MRE11: variants seen among roughly 807,000 people sequenced by gnomAD.
MRE11 encodes double-strand break repair protein MRE11.
A neutral mutation model predicts 91.7 loss-of-function variants in MRE11; 62 were observed. That is an observed-to-expected ratio of 0.68 (90% CI 0.55 to 0.84). The LOEUF (loss-of-function observed/expected upper bound fraction) is 0.84, where lower values mean the gene tolerates loss of function less well. MRE11 is among the 40% of genes least tolerant of loss of function. The probability of loss-of-function intolerance (pLI) is 0.00; values close to 1 mark genes in which losing one functional copy is unlikely to be tolerated. For synonymous variants in MRE11, 273 were observed against 271.4 expected (o/e 1.01, Z -0.06); for missense variants, 796 against 852.9 (o/e 0.93, Z 0.83).
intron 14 of MRE11, among the ~76,000 whole-genome samples, chr11:94,453,732 T>C (rs1214123189): frequency 6.6e-6 from 1 of 152,194 alleles, no homozygotes; most frequent in Non-Finnish European, 1.5e-5. Context: ...CCTTATCAGA[T>C]GTATGATTTG....
intron 7 of MRE11, among the ~76,000 whole-genome samples, chr11:94,472,066 C>T (rs1233074353): frequency 6.6e-6 from 1 of 152,000 alleles, no homozygotes; most frequent in African/African-American, 2.4e-5. Flanking sequence ...ATCAGAAAAG[C>T]ATGAATTCTA....
At chr11:94,475,601 T>C in intron 7 of MRE11, 1 of 455,800 alleles carries the variant, frequency 2.2e-6, no homozygotes, top group Non-Finnish European at 4.4e-6. Context: ...TCTGTCTTCT[T>C]TTCAATCAAT....
intron 6 of MRE11, 114 bp downstream of exon 6, chr11:94,478,621 A>G (rs1299235979): frequency 1.9e-5 from 24 of 1,238,200 alleles, no homozygotes; most frequent in Non-Finnish European, 2.7e-5. Context: ...ATAGTCACCA[A>G]TAAAGAATAA....
At chr11:94,496,942 A>C (rs761869981), upstream of MRE11, 8 of 1,613,560 alleles carry the variant, frequency 5.0e-6, no homozygotes, top group Non-Finnish European at 6.8e-6. Flanking sequence ...GGGCTGCTGA[A>C]AAAAATCGGG....
chr11:94,461,101 G>T, intron 11 of MRE11, 65 bp from the exon 12 acceptor site: 1 of 1,375,076 alleles, frequency 7.3e-7, no homozygotes, highest in Non-Finnish European at 1.0e-6. Flanking sequence ...CATACTCATT[G>T]CAAGTTGTCA....
intron 19 of MRE11, among the ~76,000 whole-genome samples, chr11:94,423,196 G>A (rs1591626043): frequency 6.6e-6 from 1 of 152,220 alleles, no homozygotes; most frequent in African/African-American, 2.4e-5. Context: ...GGAAGCTGAA[G>A]AGGGAGGAAG....
In MRE11 at chr11:94,465,671, C is replaced by T. The variant is rs138024284; in HGVS notation, c.1099-1432G>A. 5.8e-3 allele frequency among the ~76,000 whole-genome samples: 880 copies of T among 152,300 alleles called. 5 individuals carry two copies. The highest frequency in any genetic ancestry group is 0.019 in the African/African-American group (798 of 41,558). ...TCGGCCTCCCAAAGTGCTGGGATTA[C>T]AGGCGTGAGCCACCATGCCCAGCCT... is the stretch of plus-strand genomic sequence containing the variant. On this transcript the variant is annotated intron_variant, in intron 10 of 19. Coordinates refer to ENST00000323929, the MANE Select transcript of MRE11 (RefSeq NM_005591.4).
intron 11 of MRE11, among the ~76,000 whole-genome samples, chr11:94,462,582 A>T (rs904741924): frequency 1.3e-5 from 2 of 152,182 alleles, no homozygotes; most frequent in African/African-American, 2.4e-5. Flanking sequence ...AAAATAAGAG[A>T]TATAGACCAA....
At chr11:94,459,323 T>C (rs1426821380) in intron 13 of MRE11, 85 bp downstream of exon 13, 8 of 1,366,854 alleles carry the variant, frequency 5.9e-6, no homozygotes, top group Admixed American at 3.4e-5. Flanking sequence ...AGAGGTTAAA[T>C]AGTGATTTAC....
chr11:94,451,797 T>C (rs1001990997), intron 14 of MRE11, among the ~76,000 whole-genome samples: 1 of 152,254 alleles, frequency 6.6e-6, no homozygotes, highest in Non-Finnish European at 1.5e-5. Flanking sequence ...ATACTTTATG[T>C]GTCAAAAAAC....
At chr11:94,424,288 G>A (rs1945251489) in intron 19 of MRE11, among the ~76,000 whole-genome samples, 1 of 152,176 alleles carries the variant, frequency 6.6e-6, no homozygotes, top group Non-Finnish European at 1.5e-5. Flanking sequence ...CCCAGGGCAA[G>A]AATCTAGGCA....
chr11:94,499,110 G>C, the MRE11 span: 1 of 154,598 alleles, frequency 6.5e-6, no homozygotes. Context: ...TTTCAGGAAA[G>C]CAGTTAGCTA....
Position 94,488,784 on chromosome 11 carries a change from C to G in MRE11, c.153+2049G>C, listed in dbSNP as rs115048335. 2.8e-3 allele frequency among the ~76,000 whole-genome samples: 432 copies of G among 152,092 alleles called. 2 individuals carry two copies. The highest frequency in any genetic ancestry group is 0.01 in the African/African-American group (418 of 41,496). Reference sequence around the variant, plus strand: ...AGAGGGGAACAACAGACACTGGGACCTACCAGAGAGCAGATGATAGGAGGA... The same window carrying G: ...AGAGGGGAACAACAGACACTGGGACGTACCAGAGAGCAGATGATAGGAGGA... On this transcript the variant is annotated intron_variant, in intron 3 of 19. Transcript: ENST00000323929.
the MRE11 span, among the ~76,000 whole-genome samples, chr11:94,510,471 C>A: frequency 6.6e-6 from 1 of 152,130 alleles, no homozygotes; most frequent in African/African-American, 2.4e-5. Context: ...TCTTATTTGA[C>A]TTTTTTCCCA....
At position 94,430,005 on chromosome 11, in the gene MRE11, A is replaced by T; in HGVS notation, c.1995-19T>A. 1 of 1,613,332 alleles carries T rather than the reference A, an allele frequency of 6.2e-7. No homozygotes were observed. The highest frequency in any genetic ancestry group is 8.5e-7 in the Non-Finnish European group (1 of 1,179,318). ...GGACCACCTGAGGCAAAACAAAAAC[A>T]AAAACAAACACAATGAACTACATAA... is the stretch of plus-strand genomic sequence containing the variant. On this transcript the variant is annotated intron_variant, in intron 18 of 19. Transcript: ENST00000323929.
At position 94,445,850 on chromosome 11, in the gene MRE11, C is replaced by CT. The variant is rs876660269; in HGVS notation, c.1826dup (p.Thr610AspfsTer7). The CT allele has an allele frequency of 1.2e-6, 2 of 1,613,822 alleles. No individual in the cohort carries two copies. Among genetic ancestry groups the CT allele is most frequent in the Middle Eastern group, 1.7e-4 (1 of 6,060 alleles). On this transcript the variant is annotated frameshift_variant, in exon 16 of 20. Coordinates refer to ENST00000323929, the MANE Select transcript of MRE11 (RefSeq NM_005591.4). LOFTEE classifies it high-confidence loss of function. ...TATTTCTAGATGCTGACACAGCAGT[C>CT]TTTGAGTTCCTGCTACGGGTAGAAG...
chr11:94,459,674 G>T, intron 12 of MRE11, 93 bp from the exon 13 acceptor site: 1 of 1,364,426 alleles, frequency 7.3e-7, no homozygotes, highest in Non-Finnish European at 1.0e-6. Flanking sequence ...TATGTTACCA[G>T]AGAAAAAATA....
intron 12 of MRE11, among the ~76,000 whole-genome samples, chr11:94,460,009 C>G (rs1004904516): frequency 6.6e-6 from 1 of 151,906 alleles, no homozygotes; most frequent in Non-Finnish European, 1.5e-5. Flanking sequence ...TCATAAGGGT[C>G]CTGAAAAGCA....
chr11:94,476,935 G>A (rs1304590453), intron 6 of MRE11, among the ~76,000 whole-genome samples: 2 of 152,092 alleles, frequency 1.3e-5, no homozygotes, highest in Admixed American at 6.6e-5. Flanking sequence ...GGACAGGCTG[G>A]TCTTGAACTC....
Sources: gnomAD v4.1 joint callset for allele counts (sites outside exome capture counted in the v4.1 genomes callset) on GRCh38, gnomAD v4.1.1 for gene constraint, MANE v1.5 for transcripts, NCBI Gene and HGNC (gene_info 2026-07-23, HGNC 2026-07-21) for gene names.